FAM9C: variants seen among roughly 807,000 people sequenced by gnomAD.
FAM9C encodes the protein protein FAM9C.
In FAM9C, 15 loss-of-function variants were observed where a neutral mutation model predicts 14.8. The observed-to-expected ratio is 1.02, with a 90% CI of 0.68 to 1.56. The LOEUF is 1.56. Among genes scored for constraint, FAM9C ranks in the 40% most tolerant of loss-of-function variants. FAM9C has a pLI of 0.00. For synonymous variants in FAM9C, 45 were observed against 37.5 expected, an observed-to-expected ratio of 1.20 and a Z score of -0.74; for missense variants, 116 against 118.0, an observed-to-expected ratio of 0.98 and a Z score of 0.08.
chrX:13,039,757 C>T (rs1174662684), intron 6 of FAM9C, 51 bp downstream of exon 6: 1 of 1,164,884 alleles, frequency 8.6e-7, no homozygotes, highest in Non-Finnish European at 1.1e-6. Context: ...ACTATTACTA[C>T]CTGAGACATT....
In FAM9C at chrX:13,043,126, A is replaced by G. The variant is rs773561574; in HGVS notation, c.182+2T>C. On this transcript the variant is annotated splice_donor_variant, in intron 3 of 7. Coordinates refer to ENST00000380625, the MANE Select transcript of FAM9C (RefSeq NM_174901.6). LOFTEE classifies it high-confidence loss of function. ...CAGGCAAAAGGGACTTAAACACTTT[A>G]CCCCGTGTGTTCATCTGTTTCAGCA... 3.3e-6 allele frequency: 4 copies of G among 1,203,545 alleles called. No homozygotes were observed. Among genetic ancestry groups the G allele is most frequent in the Middle Eastern group, 4.6e-4 (2 of 4,315 alleles).
At chrX:13,043,568 T>C (rs2043547517) in intron 2 of FAM9C, among the ~76,000 whole-genome samples, 161 bp downstream of exon 2, 1 of 112,942 alleles carries the variant, frequency 8.9e-6, no homozygotes, top group African/African-American at 3.2e-5. Flanking sequence ...CTAAGGCCCT[T>C]GAGCCTGCTT....
intron 4 of FAM9C, chrX:13,042,386 G>A (rs2043534170): frequency 8.9e-6 from 1 of 112,244 alleles, no homozygotes; most frequent in African/African-American, 3.3e-5. Context: ...CGGACAGGAA[G>A]AGGTGAACAA....
chrX:13,039,849 G>C lies in FAM9C; in HGVS notation c.397C>G (p.Gln133Glu), dbSNP rs1180467410. 1 of 1,206,118 alleles carries C rather than the reference G, an allele frequency of 8.3e-7. No homozygotes were observed. The highest frequency in any genetic ancestry group is 1.8e-5 in the African/African-American group (1 of 57,008). The change falls in exon 6 of 8, where the codon CAG (glutamine) becomes GAG (glutamate). Residue 133 changes from glutamine (Q) to glutamate (E), a missense_variant. Gln to Glu is a conservative substitution (Grantham distance 29). Coordinates refer to ENST00000380625, the MANE Select transcript of FAM9C (RefSeq NM_174901.6). ...TCTCCATCTCCTTCCTCATCTTTCTGCTCATCTGTGATGAACTCTTCAAGG... is the reference window on the plus strand; with the variant it reads ...TCTCCATCTCCTTCCTCATCTTTCTCCTCATCTGTGATGAACTCTTCAAGG... ...NVLEEFITDE[Q>E]KDEEGDGEKE...
intron 3 of FAM9C, 26 bp downstream of exon 3, chrX:13,043,102 A>C: frequency 8.4e-7 from 1 of 1,195,786 alleles, no homozygotes; most frequent in Non-Finnish European, 1.1e-6. Context: ...CTTATCTGAC[A>C]GGCAAAAGGG....
intron 6 of FAM9C, 23 bp from the exon 7 acceptor site, chrX:13,038,526 T>C: frequency 8.5e-7 from 1 of 1,171,565 alleles, no homozygotes; most frequent in Non-Finnish European, 1.2e-6. Flanking sequence ...AACAAAAAAG[T>C]GATTAAAATT....
intron 7 of FAM9C, 179 bp from the exon 8 acceptor site, chrX:13,036,197 G>A (rs1439936410): frequency 1.8e-5 from 2 of 111,985 alleles, no homozygotes; most frequent in Non-Finnish European, 3.8e-5. Flanking sequence ...CAAAAAGAGG[G>A]CTTTCATTAT....
intron 2 of FAM9C, 88 bp from the exon 3 acceptor site, chrX:13,043,336 T>C (rs2043544630): frequency 1.8e-6 from 2 of 1,081,794 alleles, no homozygotes; most frequent in African/African-American, 3.7e-5. Context: ...TTTGTAGACT[T>C]TTTTGGCTCT....
chrX:13,038,733 C>T (rs1602492165), intron 6 of FAM9C, among the ~76,000 whole-genome samples: 1 of 112,064 alleles, frequency 8.9e-6, no homozygotes, highest in African/African-American at 3.2e-5. Flanking sequence ...TCAACACATA[C>T]GTCTTAATTC....
In FAM9C at chrX:13,043,827, T is replaced by A; in HGVS notation, c.-38A>T. On this transcript the variant is annotated 5_prime_UTR_variant, in exon 2 of 8. Transcript: ENST00000380625. ...CCTGCCCACGGGCTCCGTGGCTGAC[T>A]GGCCTGGGAAGCTAGAGGCGACCTC... 8.4e-7 allele frequency: 1 copy of A among 1,195,840 alleles called. No individual in the cohort carries two copies. Among genetic ancestry groups the A allele is most frequent in the Non-Finnish European group, 1.1e-6 (1 of 880,955 alleles).
At chrX:13,036,794 A>T (rs2043483036) in intron 7 of FAM9C, 1 of 112,056 alleles carries the variant, frequency 8.9e-6, no homozygotes, top group African/African-American at 3.3e-5. Context: ...GACATGAGCA[A>T]ATATGCACGA....
chrX:13,038,965 T>C (rs1347902220), intron 6 of FAM9C, among the ~76,000 whole-genome samples: 2 of 111,644 alleles, frequency 1.8e-5, no homozygotes, highest in Non-Finnish European at 3.8e-5. Flanking sequence ...TCCTCTCCTC[T>C]ACGTGGCACT....
chrX:13,036,857 C>A (rs1330509124), intron 7 of FAM9C: 13 of 110,985 alleles, frequency 1.2e-4, no homozygotes, highest in African/African-American at 4.0e-4. Context: ...GCAACTCACT[C>A]GGACATGTAG....
At chrX:13,043,074 T>C in intron 3 of FAM9C, 54 bp downstream of exon 3, 1 of 1,184,467 alleles carries the variant, frequency 8.4e-7, no homozygotes, top group East Asian at 3.0e-5. Flanking sequence ...GATCCAAAGC[T>C]GACTTTTCCT....
At chrX:13,041,902 A>C (rs2043530803) in intron 4 of FAM9C, 1 of 112,199 alleles carries the variant, frequency 8.9e-6, no homozygotes, top group African/African-American at 3.2e-5. Context: ...CTGCACCATA[A>C]TACAAATTTT....
chrX:13,043,947 G>A (rs752362942), intron 1 of FAM9C, 90 bp from the exon 2 acceptor site: 77 of 508,889 alleles, frequency 1.5e-4, no homozygotes, highest in African/African-American at 1.3e-3. Context: ...GGGCGCCCCG[G>A]GTCTCCCGTG....
chrX:13,036,755 T>C (rs1419507279), intron 7 of FAM9C: 1 of 111,231 alleles, frequency 9.0e-6, no homozygotes, highest in Non-Finnish European at 1.9e-5. Flanking sequence ...ATGTAAAAAA[T>C]GAATACACAA....
chrX:13,039,720 T>C, intron 6 of FAM9C, 88 bp downstream of exon 6: 1 of 1,130,632 alleles, frequency 8.8e-7, no homozygotes. Context: ...TCATGCTCTC[T>C]TCCTTCTTTG....
chrX:13,040,833 A>G lies in FAM9C; in HGVS notation c.254T>C (p.Ile85Thr). ...KEHLAAKRKR[I>T]EKIAKACSEI... ...GCTGCAAGCTTTTGCAATCTTTTCA[A>G]TCCTTTTTCTCTTTGCAGCAAGATG... The change falls in exon 5 of 8, where the codon ATT becomes ACT. Residue 85 changes from isoleucine to threonine, a missense_variant. By Grantham distance (89) the Ile-to-Thr change is moderately conservative. Transcript: ENST00000380625. 8.4e-7 allele frequency: 1 copy of G among 1,193,421 alleles called. No homozygotes were observed.
Sources: allele counts gnomAD v4.1 joint callset (sites outside exome capture counted in the v4.1 genomes callset), GRCh38; gene constraint gnomAD v4.1.1; transcripts MANE v1.5; gene names NCBI Gene and HGNC (gene_info 2026-07-23, HGNC 2026-07-21).